TBC1D8B: variants seen among roughly 807,000 people sequenced by gnomAD.
TBC1D8B encodes TBC1 domain family member 8B, also known as RP11-321G1.1.
TBC1D8B carries 75 observed loss-of-function variants against 82.9 expected under a neutral mutation model. That is an observed-to-expected ratio of 0.90 (90% confidence interval 0.75 to 1.10). The LOEUF (loss-of-function observed/expected upper bound fraction) is 1.10, where lower values mean the gene tolerates loss of function less well. TBC1D8B is among the 50% of genes least tolerant of loss of function. The pLI is 0.00. For missense variants in TBC1D8B, 794 were observed against 796.9 expected (o/e 1.00, Z 0.04); for synonymous variants, 276 against 276.8 (o/e 1.00, Z 0.03).
intron 12 of TBC1D8B, among the ~76,000 whole-genome samples, chrX:106,851,478 A>G (rs1271372894): frequency 9.0e-6 from 1 of 111,594 alleles, no homozygotes; most frequent in East Asian, 2.8e-4. Context: ...GGTTTGTTAC[A>G]TATGTATACA....
chrX:106,806,039 C>A (rs1287052040), intron 1 of TBC1D8B, among the ~76,000 whole-genome samples: 1 of 112,385 alleles, frequency 8.9e-6, no homozygotes, highest in African/African-American at 3.2e-5. Flanking sequence ...TAATCACCAG[C>A]AATGTAATGA....
intron 19 of TBC1D8B, 131 bp downstream of exon 19, chrX:106,869,672 A>G (rs1483807777): frequency 5.1e-6 from 2 of 395,803 alleles, no homozygotes; most frequent in Non-Finnish European, 8.5e-6. Context: ...AAAATATGAT[A>G]GTAAATGACC....
intron 11 of TBC1D8B, among the ~76,000 whole-genome samples, chrX:106,848,768 TTTTTA>T (rs1338155192): frequency 5.4e-5 from 6 of 110,118 alleles, no homozygotes; most frequent in Non-Finnish European, 1.1e-4. Flanking sequence ...AATTGTATAA[TTTTTA>T]TTTTATTTTA....
Position 106,802,991 on chromosome X carries a change from G to A in TBC1D8B, c.130+8G>A. The A allele has an allele frequency of 8.4e-7, 1 of 1,195,469 alleles. No individual in the cohort carries two copies. The highest frequency in any genetic ancestry group is 1.1e-6 in the Non-Finnish European group (1 of 888,496). On this transcript the variant is annotated splice_region_variant and intron_variant, in intron 1 of 20. Transcript: ENST00000357242. ...GCGGAGGGGGGCTCACAGGTAAGCT[G>A]TGGCCACCCTACCTGCCTCTGGGCT... is the stretch of plus-strand genomic sequence containing the variant.
Position 106,826,141 on chromosome X carries a change from C to T in TBC1D8B, c.939C>T (p.His313=). Residue 313 remains histidine, a synonymous_variant, in exon 6 of 21, where the codon CAC becomes CAT. Coordinates refer to ENST00000357242, the MANE Select transcript of TBC1D8B (RefSeq NM_017752.3). ...HECFLWVPFS[H]FNTHGKMCIS... is the part of the protein sequence containing the mutation. The stretch of plus-strand genomic sequence containing the variant: ...GTTTCTTATGGGTACCATTCAGCCA[C>T]TTCAATACTCATGGGAAAATGTGCA... 1 of 1,210,565 alleles carries T rather than the reference C, an allele frequency of 8.3e-7. No individual in the cohort carries two copies. The highest frequency in any genetic ancestry group is 1.1e-6 in the Non-Finnish European group (1 of 894,839).
At chrX:106,823,530 G>T (rs1309314258) in intron 5 of TBC1D8B, 64 bp downstream of exon 5, 2 of 1,116,952 alleles carry the variant, frequency 1.8e-6, no homozygotes, top group Non-Finnish European at 2.4e-6. Flanking sequence ...AGATAGTATT[G>T]CTTACCATTA....
intron 7 of TBC1D8B, among the ~76,000 whole-genome samples, chrX:106,830,953 A>C (rs1428403589): frequency 9.4e-6 from 1 of 106,311 alleles, no homozygotes; most frequent in African/African-American, 3.4e-5. Flanking sequence ...AATAATAATA[A>C]ATAAATAAAT....
At chrX:106,841,489 T>G (rs975403410) in intron 10 of TBC1D8B, among the ~76,000 whole-genome samples, 7 of 108,617 alleles carry the variant, frequency 6.4e-5, no homozygotes, top group Non-Finnish European at 1.3e-4. Flanking sequence ...ATAGGGTGGA[T>G]GAAGTGAAGT....
At chrX:106,847,757 T>C (rs755140216) in intron 10 of TBC1D8B, among the ~76,000 whole-genome samples, 1 of 111,684 alleles carries the variant, frequency 9.0e-6, no homozygotes, top group South Asian at 3.8e-4. Flanking sequence ...ATATTCAGTT[T>C]TGGACAAAAT....
chrX:106,835,330 G>T (rs1043983006), intron 7 of TBC1D8B, among the ~76,000 whole-genome samples: 1 of 112,550 alleles, frequency 8.9e-6, no homozygotes, highest in Admixed American at 9.4e-5. Flanking sequence ...CACAGCTGGA[G>T]CTGAAGCAGC....
In TBC1D8B at chrX:106,848,291, C is replaced by T. The variant is rs765286781; in HGVS notation, c.1825C>T (p.Arg609Cys). 2.5e-6 allele frequency: 3 copies of T among 1,177,432 alleles called. No homozygotes were observed. Among genetic ancestry groups the T allele is most frequent in the East Asian group, 6.0e-5 (2 of 33,318 alleles). ...CERMLPDYFN[R>C]RIIGALVDQA... ...ACGAATGTTGCCTGATTATTTTAATCGTCGAATTATTGGTAAAAGAAAAAC... is the reference window on the plus strand; with the variant it reads ...ACGAATGTTGCCTGATTATTTTAATTGTCGAATTATTGGTAAAAGAAAAAC... The change falls in exon 11 of 21, where the codon CGT becomes TGT. Residue 609 changes from arginine (R) to cysteine (C), a missense_variant. Transcript: ENST00000357242.
chrX:106,816,613 A>T (rs1409908318), intron 1 of TBC1D8B, among the ~76,000 whole-genome samples: 2 of 103,655 alleles, frequency 1.9e-5, no homozygotes, highest in Non-Finnish European at 4.1e-5. Context: ...TATTTTTTAA[A>T]AGCTTCAATT....
At chrX:106,829,141 C>A (rs1309474586) in intron 7 of TBC1D8B, 1 of 106,056 alleles carries the variant, frequency 9.4e-6, no homozygotes, top group Non-Finnish European at 1.9e-5. Context: ...CATTCTTATA[C>A]ACCAATAACA....
intron 14 of TBC1D8B, among the ~76,000 whole-genome samples, chrX:106,856,725 A>G (rs2147766359): frequency 8.9e-6 from 1 of 111,830 alleles, no homozygotes; most frequent in Non-Finnish European, 1.9e-5. Flanking sequence ...GAAATCTGGT[A>G]AGGCTTTTAT....
At chrX:106,860,687 A>G (rs1400003668) in intron 14 of TBC1D8B, among the ~76,000 whole-genome samples, 1 of 110,589 alleles carries the variant, frequency 9.0e-6, no homozygotes, top group Non-Finnish European at 1.9e-5. Context: ...TCATGGATTC[A>G]TTGATCTTTT....
intron 7 of TBC1D8B, chrX:106,828,502 G>T (rs7062878): frequency 2.8e-5 from 3 of 107,656 alleles, no homozygotes; most frequent in African/African-American, 1.0e-4. Flanking sequence ...AGAGAATTTT[G>T]GACCAATATC....
At chrX:106,853,285 A>G (rs1932629975) in intron 12 of TBC1D8B, among the ~76,000 whole-genome samples, 1 of 111,047 alleles carries the variant, frequency 9.0e-6, no homozygotes, top group Non-Finnish European at 1.9e-5. Context: ...GTATCCTGAG[A>G]CTTTGCTGAA....
At chrX:106,825,567 C>A (rs775144342) in intron 5 of TBC1D8B, among the ~76,000 whole-genome samples, 1 of 111,076 alleles carries the variant, frequency 9.0e-6, no homozygotes, top group African/African-American at 3.3e-5. Context: ...TTAATATCGT[C>A]TTTAATAGAC....
chrX:106,863,186 G>T (rs971131675), intron 14 of TBC1D8B, among the ~76,000 whole-genome samples: 1 of 112,028 alleles, frequency 8.9e-6, no homozygotes, highest in African/African-American at 3.2e-5. Flanking sequence ...TTCACAGGTG[G>T]TGTATACTGG....
Sources: gnomAD v4.1 joint callset for allele counts (sites outside exome capture counted in the v4.1 genomes callset) on GRCh38, gnomAD v4.1.1 for gene constraint, MANE v1.5 for transcripts, NCBI Gene and HGNC (gene_info 2026-07-23, HGNC 2026-07-21) for gene names.